Variants in SLC12A8 observed in about 807,000 individuals in gnomAD.
SLC12A8 encodes solute carrier family 12 member 8, also known as cation-chloride cotransporter 9.
A neutral mutation model predicts 75.6 loss-of-function variants in SLC12A8; 69 were observed. The observed-to-expected ratio is 0.91, with a 90% CI of 0.75 to 1.11. The LOEUF (loss-of-function observed/expected upper bound fraction) is 1.11. Ranked by LOEUF, SLC12A8 falls within the 50% of genes most tolerant of loss-of-function variation. The pLI is 0.00. For missense variants in SLC12A8, 877 were observed against 896.7 expected, an observed-to-expected ratio of 0.98 and a Z score of 0.28; for synonymous variants, 365 against 372.8, an observed-to-expected ratio of 0.98 and a Z score of 0.24.
intron 7 of SLC12A8, among the ~76,000 whole-genome samples, chr3:125,119,374 A>G (rs1932992428): frequency 2.0e-5 from 3 of 152,318 alleles, no homozygotes; most frequent in Non-Finnish European, 2.9e-5. Flanking sequence ...TCGGGCCTCT[A>G]AGTCCTGCTG....
At chr3:125,153,726 C>T (rs1424385275) in intron 5 of SLC12A8, among the ~76,000 whole-genome samples, 2 of 152,142 alleles carry the variant, frequency 1.3e-5, no homozygotes, top group East Asian at 3.8e-4. Flanking sequence ...GCAACCTCCA[C>T]CTCCCAGGTT....
In SLC12A8 at chr3:125,086,216, C is replaced by G. The variant is rs377718737; in HGVS notation, c.1982+2094G>C. Among the ~76,000 whole-genome samples the G allele has an allele frequency of 9.9e-5, 15 of 152,228 alleles. No individual in the cohort carries two copies. The South Asian group carries it at 2.7e-3, about 27-fold the overall frequency. On this transcript the variant is annotated intron_variant, in intron 13 of 13. Transcript: ENST00000469902. ...TCTTTCAACCTCCTGAATAACCATC[C>G]CAAAATATCGCCCAGCAGCCATGGT...
intron 6 of SLC12A8, among the ~76,000 whole-genome samples, chr3:125,134,685 C>G (rs1417611926): frequency 6.6e-6 from 1 of 152,220 alleles, no homozygotes; most frequent in Admixed American, 6.5e-5. Context: ...TTCAGCAGTG[C>G]ATGAGGGTTC....
intron 6 of SLC12A8, among the ~76,000 whole-genome samples, chr3:125,131,804 CAT>C (rs1214690364): frequency 6.6e-6 from 1 of 152,162 alleles, no homozygotes; most frequent in Non-Finnish European, 1.5e-5. Flanking sequence ...GGAGTGTCCC[CAT>C]ATTTGACAGA....
chr3:125,103,582 A>G (rs1226515740), intron 10 of SLC12A8, among the ~76,000 whole-genome samples: 1 of 151,962 alleles, frequency 6.6e-6, no homozygotes, highest in Admixed American at 6.6e-5. Flanking sequence ...CTCCCACCTC[A>G]GCCTCCTGAG....
intron 5 of SLC12A8, among the ~76,000 whole-genome samples, chr3:125,148,983 C>T (rs979388740): frequency 6.6e-6 from 1 of 152,164 alleles, no homozygotes; most frequent in African/African-American, 2.4e-5. Flanking sequence ...GGGGCACAGG[C>T]AGGATGTGTC....
At position 125,088,155 on chromosome 3, in the gene SLC12A8, G is replaced by A. The variant is rs1200671921; in HGVS notation, c.1982+155C>T. On this transcript the variant is annotated intron_variant, in intron 13 of 13. Transcript: ENST00000469902. ...GGGGGCCGAGTGTGGTGGAGTGCAC[G>A]CAGGAGCAACATCTGAGTCTCCCGG... 5.0e-5 allele frequency: 33 copies of A among 654,142 alleles called. No individual in the cohort carries two copies. In the East Asian group the frequency reaches 8.3e-4, roughly 16 times the overall value. The allele number at this position is 654,142 out of a possible 1,614,324, so 40.5% of individuals were successfully genotyped here.
intron 5 of SLC12A8, chr3:125,151,275 C>T (rs1480320404): frequency 1.3e-5 from 2 of 153,298 alleles, no homozygotes; most frequent in African/African-American, 2.4e-5. Context: ...AGTCATTGGC[C>T]TCTTGGCCCA....
rs1933031949 is a variant in SLC12A8, at chr3:125,120,659, C to T, written c.764G>A (p.Gly255Asp). ...GCTGGCGGCAGGCTCCCTGAGGTCG[C>T]CCCCCATGTTGAAGCCGGCCATGAC... ...TGVMAGFNMG[G>D]DLREPAASIP... Residue 255 changes from glycine (G) to aspartate (D), a missense_variant, in exon 7 of 14, where the codon GGC becomes GAC. Coordinates refer to ENST00000469902, the MANE Select transcript of SLC12A8 (RefSeq NM_024628.6). The T allele has an allele frequency of 6.2e-7, 1 of 1,613,442 alleles. No individual in the cohort carries two copies. Among genetic ancestry groups the T allele is most frequent in the Middle Eastern group, 1.7e-4 (1 of 6,060 alleles).
At chr3:125,111,858 G>C (rs1261799408) in intron 8 of SLC12A8, among the ~76,000 whole-genome samples, 1 of 152,198 alleles carries the variant, frequency 6.6e-6, no homozygotes, top group Non-Finnish European at 1.5e-5. Flanking sequence ...ATCATCAGGA[G>C]GCTAAAGGAT....
chr3:125,158,775 A>G (rs936635521), intron 5 of SLC12A8, among the ~76,000 whole-genome samples: 1 of 152,232 alleles, frequency 6.6e-6, no homozygotes, highest in Admixed American at 6.5e-5. Context: ...ATTAAGTATC[A>G]GCCCATAAGG....
intron 5 of SLC12A8, among the ~76,000 whole-genome samples, chr3:125,147,149 G>A (rs1028097791): frequency 6.6e-6 from 1 of 152,200 alleles, no homozygotes; most frequent in Non-Finnish European, 1.5e-5. Flanking sequence ...AAAATCAAGG[G>A]CGCTGTTGTC....
intron 2 of SLC12A8, among the ~76,000 whole-genome samples, chr3:125,210,753 G>GTTT (rs756149807): frequency 6.6e-6 from 1 of 151,970 alleles, no homozygotes; most frequent in Non-Finnish European, 1.5e-5. Context: ...CTTTAGTATG[G>GTTT]TTTATTATTA....
In SLC12A8 at chr3:125,177,845, C is replaced by T. The variant is rs759173833; in HGVS notation, c.520G>A (p.Ala174Thr). 1.9e-5 allele frequency: 30 copies of T among 1,614,026 alleles called. No individual in the cohort carries two copies. The highest frequency in any genetic ancestry group is 5.3e-5 in the African/African-American group (4 of 74,910). ...AGGCGGATTATCCATTTGACACCTG[C>T]GAGGTTAATGCCCAGCAAGGCCAGA... ...VLLALLGINLAGVKWIIRLQL... is the reference protein window; with the variant it reads ...VLLALLGINLTGVKWIIRLQL... The change falls in exon 5 of 14, where the codon GCA becomes ACA. Residue 174 changes from alanine (A) to threonine (T), a missense_variant. Ala to Thr is a moderately conservative substitution (Grantham distance 58). Transcript: ENST00000469902.
chr3:125,109,053 C>A (rs1939111836), intron 9 of SLC12A8, among the ~76,000 whole-genome samples: 1 of 152,132 alleles, frequency 6.6e-6, no homozygotes, highest in African/African-American at 2.4e-5. Context: ...CTTCTCAGTC[C>A]CTGTCTTCTT....
At chr3:125,148,571 T>C (rs562909286) in intron 5 of SLC12A8, among the ~76,000 whole-genome samples, 1 of 152,210 alleles carries the variant, frequency 6.6e-6, no homozygotes, top group Admixed American at 6.5e-5. Context: ...ATTTGGGGCA[T>C]CATCTCCTGC....
intron 4 of SLC12A8, among the ~76,000 whole-genome samples, chr3:125,184,034 G>T (rs142027164): frequency 6.6e-6 from 1 of 151,846 alleles, no homozygotes; most frequent in East Asian, 1.9e-4. Flanking sequence ...GTGCAGTGGC[G>T]CATTCTCAGC....
rs749988054 is a variant in SLC12A8, at chr3:125,142,236, TC to T, written c.623-6455del. ...CCTGCCACTTGTCACCCACAAGAGTTCCTTCCCAAGCAGCCCCATCCTCGCC... is the reference window on the plus strand; with the variant it reads ...CCTGCCACTTGTCACCCACAAGAGTTCTTCCCAAGCAGCCCCATCCTCGCC... On this transcript the variant is annotated intron_variant, in intron 5 of 13. Coordinates refer to ENST00000469902, the MANE Select transcript of SLC12A8 (RefSeq NM_024628.6). 1.0e-3 allele frequency among the ~76,000 whole-genome samples: 159 copies of T among 152,216 alleles called. 2 individuals are homozygous for T. The highest frequency in any genetic ancestry group is 2.8e-4 in the Non-Finnish European group (19 of 68,008).
At chr3:125,211,719 A>T (rs1185221409) in intron 1 of SLC12A8, among the ~76,000 whole-genome samples, 1 of 152,108 alleles carries the variant, frequency 6.6e-6, no homozygotes, top group Non-Finnish European at 1.5e-5. Flanking sequence ...ACACAGAGTC[A>T]CACTCCTCTC....
Sources: gnomAD v4.1 joint callset for allele counts (sites outside exome capture counted in the v4.1 genomes callset) on GRCh38, gnomAD v4.1.1 for gene constraint, MANE v1.5 for transcripts, NCBI Gene and HGNC (gene_info 2026-07-23, HGNC 2026-07-21) for gene names.